Variants in CSMD2 observed in about 807,000 individuals in gnomAD.
CSMD2 encodes the protein CUB and Sushi multiple domains 2.
Under a neutral mutation model 398.5 loss-of-function variants are expected in CSMD2, and 130 were observed. The ratio of observed to expected loss-of-function variants is 0.33; its 90% CI spans 0.28 to 0.38. CSMD2 has a LOEUF of 0.38. Among genes scored for constraint, CSMD2 ranks in the 10% least tolerant of loss-of-function variants. The pLI is 1.00. For synonymous variants in CSMD2, 1,828 were observed against 1,908.5 expected, an observed-to-expected ratio of 0.96 and a Z score of 1.10; for missense variants, 3,829 against 4,764.9, an observed-to-expected ratio of 0.80 and a Z score of 5.78.
intron 32 of CSMD2, among the ~76,000 whole-genome samples, chr1:33,628,072 G>A (rs566622616): frequency 1.3e-5 from 2 of 152,346 alleles, no homozygotes; most frequent in East Asian, 3.9e-4. Flanking sequence ...CTCAGCAGAT[G>A]TTCAGTCATG....
At chr1:33,649,307 C>T (rs187020430) in intron 28 of CSMD2, among the ~76,000 whole-genome samples, 1 of 152,188 alleles carries the variant, frequency 6.6e-6, no homozygotes, top group Non-Finnish European at 1.5e-5. Context: ...GAAACCATGA[C>T]TTTAAGTGAA....
At chr1:33,601,381 C>T (rs143573861) in intron 43 of CSMD2, among the ~76,000 whole-genome samples, 1 of 152,120 alleles carries the variant, frequency 6.6e-6, no homozygotes, top group Non-Finnish European at 1.5e-5. Flanking sequence ...CTATGCATAT[C>T]GGCTCCATGC....
chr1:33,889,827 C>T (rs1372410357), intron 5 of CSMD2, among the ~76,000 whole-genome samples: 1 of 150,700 alleles, frequency 6.6e-6, no homozygotes, highest in African/African-American at 2.4e-5. Flanking sequence ...GGCTAATAGA[C>T]CAACTTAATA....
intron 4 of CSMD2, among the ~76,000 whole-genome samples, chr1:33,923,989 C>T (rs1230469302): frequency 1.3e-5 from 2 of 152,230 alleles, no homozygotes; most frequent in South Asian, 4.1e-4. Flanking sequence ...TAACCAACCT[C>T]TCTTCATGCC....
At chr1:33,903,173 A>G (rs777603103) in intron 5 of CSMD2, among the ~76,000 whole-genome samples, 2 of 152,154 alleles carry the variant, frequency 1.3e-5, no homozygotes, top group African/African-American at 4.8e-5. Context: ...TATTTAACAC[A>G]TTTCTATTTC....
chr1:33,934,666 T>C (rs1327760811), intron 4 of CSMD2, among the ~76,000 whole-genome samples: 1 of 152,148 alleles, frequency 6.6e-6, no homozygotes, highest in Non-Finnish European at 1.5e-5. Context: ...AAATTTTCTT[T>C]CTTCTTTATT....
intron 5 of CSMD2, among the ~76,000 whole-genome samples, chr1:33,907,487 A>T (rs1195155929): frequency 6.6e-6 from 1 of 151,938 alleles, no homozygotes; most frequent in Non-Finnish European, 1.5e-5. Context: ...GAAGAGTGGG[A>T]GTGAAGTAGG....
intron 2 of CSMD2, among the ~76,000 whole-genome samples, chr1:34,075,075 G>A (rs923053631): frequency 6.6e-6 from 1 of 152,216 alleles, no homozygotes; most frequent in African/African-American, 2.4e-5. Flanking sequence ...TCTGATACCT[G>A]GCATTCCTGT....
chr1:33,901,042 G>A (rs1015608648), intron 5 of CSMD2, among the ~76,000 whole-genome samples: 1 of 151,982 alleles, frequency 6.6e-6, no homozygotes, highest in African/African-American at 2.4e-5. Flanking sequence ...CCACGTGTAG[G>A]TGAGGAGGAA....
At chr1:33,540,460 T>C in intron 60 of CSMD2, 65 bp downstream of exon 60, 1 of 1,564,042 alleles carries the variant, frequency 6.4e-7, no homozygotes, top group South Asian at 1.2e-5. Flanking sequence ...GCCACAAAGC[T>C]CCGAGGAGGC....
chr1:33,521,398 AC>A, intron 68 of CSMD2, 64 bp downstream of exon 68: 1 of 1,114,618 alleles, frequency 9.0e-7, no homozygotes, highest in Non-Finnish European at 1.4e-6. Context: ...CTACCTGACC[AC>A]GGCACACACG....
chr1:34,016,033 G>GTC (rs1324039355), intron 3 of CSMD2, among the ~76,000 whole-genome samples: 2 of 151,906 alleles, frequency 1.3e-5, no homozygotes, highest in African/African-American at 4.8e-5. Flanking sequence ...GTGTGTGTGT[G>GTC]TGTGTGTGTG....
intron 3 of CSMD2, among the ~76,000 whole-genome samples, chr1:34,031,604 C>A (rs535667295): frequency 5.3e-5 from 8 of 151,996 alleles, no homozygotes; most frequent in African/African-American, 1.9e-4. Context: ...TCCCCTATAC[C>A]CCCTGCCACC....
At chr1:33,769,187 GCT>G (rs1650939256) in intron 13 of CSMD2, among the ~76,000 whole-genome samples, 1 of 152,194 alleles carries the variant, frequency 6.6e-6, no homozygotes, top group Admixed American at 6.5e-5. Flanking sequence ...TATGGGAAAT[GCT>G]CTCTATTCTT....
At chr1:33,916,975 A>C (rs1458232801) in intron 5 of CSMD2, among the ~76,000 whole-genome samples, 1 of 151,042 alleles carries the variant, frequency 6.6e-6, no homozygotes, top group Non-Finnish European at 1.5e-5. Context: ...CCCTACTCCC[A>C]CTGACTGCCA....
chr1:33,753,613 C>A lies in CSMD2; in HGVS notation c.1847-10007G>T, dbSNP rs539388010. ...CTGTGGGAAGGGGGCTGCCACCCTCCAGACTCCAAAATGGTAGAGTCATGG... is the reference window on the plus strand; with the variant it reads ...CTGTGGGAAGGGGGCTGCCACCCTCAAGACTCCAAAATGGTAGAGTCATGG... On this transcript the variant is annotated intron_variant, in intron 13 of 70. Transcript: ENST00000373381. Among the ~76,000 whole-genome samples the A allele has an allele frequency of 1.1e-4, 16 of 152,350 alleles. 1 individual carries two copies. The South Asian group carries it at 1.9e-3, about 18-fold the overall frequency.
intron 29 of CSMD2, among the ~76,000 whole-genome samples, chr1:33,643,755 G>C (rs534187754): frequency 6.6e-6 from 1 of 152,250 alleles, no homozygotes; most frequent in East Asian, 1.9e-4. Context: ...CAGGAATCCA[G>C]GGATCCTGGC....
At chr1:33,572,757 T>C in intron 49 of CSMD2, 66 bp from the exon 50 acceptor site, 3 of 1,350,574 alleles carry the variant, frequency 2.2e-6, no homozygotes, top group Non-Finnish European at 3.0e-6. Context: ...ACTATTTTTA[T>C]CCTTCCTCCC....
At chr1:33,992,650 C>T (rs948101683) in intron 3 of CSMD2, among the ~76,000 whole-genome samples, 23 of 151,296 alleles carry the variant, frequency 1.5e-4, no homozygotes, top group African/African-American at 4.4e-4. Context: ...GGGCAGATCA[C>T]GAGGTCAGGA....
Sources: gnomAD v4.1 joint callset for allele counts (sites outside exome capture counted in the v4.1 genomes callset) on GRCh38, gnomAD v4.1.1 for gene constraint, MANE v1.5 for transcripts, NCBI Gene and HGNC (gene_info 2026-07-23, HGNC 2026-07-21) for gene names.